TGFB2: variants seen among roughly 807,000 people sequenced by gnomAD.
TGFB2 encodes the protein transforming growth factor beta 2.
A neutral mutation model predicts 42.7 loss-of-function variants in TGFB2; 13 were observed. That is an observed-to-expected ratio of 0.30 (90% CI 0.20 to 0.48). The LOEUF (loss-of-function observed/expected upper bound fraction) is 0.48. Ranked by LOEUF, TGFB2 falls within the 20% of genes least tolerant of loss-of-function variation. The pLI, the probability that TGFB2 is intolerant of heterozygous loss-of-function variation, is 0.99. For missense variants in TGFB2, 390 were observed against 517.5 expected (o/e 0.75, Z 2.39); for synonymous variants, 193 against 193.6 (o/e 1.00, Z 0.03).
intron 1 of TGFB2, among the ~76,000 whole-genome samples, chr1:218,398,820 C>T (rs1237432567): frequency 6.6e-6 from 1 of 152,120 alleles, no homozygotes; most frequent in Non-Finnish European, 1.5e-5. Flanking sequence ...CTCTTGACCT[C>T]GCGATCTGCC....
chr1:218,420,130 G>C (rs182359294), intron 2 of TGFB2, among the ~76,000 whole-genome samples: 39 of 152,292 alleles, frequency 2.6e-4, no homozygotes, highest in Middle Eastern at 6.8e-3. Context: ...AAAATTAGAA[G>C]ATATGGCTCC....
chr1:218,346,658 A>T lies in TGFB2; in HGVS notation c.-44A>T. On this transcript the variant is annotated 5_prime_UTR_variant, in exon 1 of 7. Transcript: ENST00000366930. This position sits in a 1 kb window ranked among gnomAD's most constrained non-coding sequence, Gnocchi z 4.9. ...TGAGAATTGTTGATTTCTTTTTTTT[A>T]TTCTGACTTTTAAAAACAACTTTTT... The T allele has an allele frequency of 6.7e-7, 1 of 1,498,938 alleles. No individual in the cohort carries two copies. The highest frequency in any genetic ancestry group is 2.2e-5 in the Admixed American group (1 of 46,030). The allele number at this position is 1,498,938 out of a possible 1,614,324, so 92.9% of individuals were successfully genotyped here.
chr1:218,402,451 TG>T (rs1658753260), intron 1 of TGFB2, among the ~76,000 whole-genome samples: 1 of 152,072 alleles, frequency 6.6e-6, no homozygotes, highest in African/African-American at 2.4e-5. Context: ...TTGGATGATT[TG>T]CTTAGAAGAA....
intron 1 of TGFB2, among the ~76,000 whole-genome samples, chr1:218,366,205 T>C (rs867897651): frequency 5.9e-5 from 9 of 152,290 alleles, no homozygotes; most frequent in Middle Eastern, 3.4e-3. Context: ...AAGGAATGGA[T>C]TAATAGTCAT....
At chr1:218,370,671 G>C (rs1018688130) in intron 1 of TGFB2, among the ~76,000 whole-genome samples, 2 of 152,104 alleles carry the variant, frequency 1.3e-5, no homozygotes, top group Admixed American at 6.5e-5. Context: ...CAGGTTTCTC[G>C]CACGTTCATA....
At chr1:218,369,500 T>C (rs1193604121) in intron 1 of TGFB2, among the ~76,000 whole-genome samples, 1 of 152,278 alleles carries the variant, frequency 6.6e-6, no homozygotes, top group East Asian at 1.9e-4. Context: ...TGATGGTTTT[T>C]AGTTAATAGT....
chr1:218,381,397 A>G (rs1466718945), intron 1 of TGFB2, among the ~76,000 whole-genome samples: 1 of 151,796 alleles, frequency 6.6e-6, no homozygotes, highest in Non-Finnish European at 1.5e-5. Context: ...GTGGGACTAC[A>G]GGCAACCGCC....
At chr1:218,430,217 AC>A (rs1659762365) in intron 2 of TGFB2, among the ~76,000 whole-genome samples, 1 of 151,804 alleles carries the variant, frequency 6.6e-6, no homozygotes, top group African/African-American at 2.4e-5. Flanking sequence ...ACATGGCAAA[AC>A]CCCGTCTCTA....
chr1:218,391,954 A>G (rs1658327623), intron 1 of TGFB2, among the ~76,000 whole-genome samples: 1 of 152,244 alleles, frequency 6.6e-6, no homozygotes, highest in Admixed American at 6.5e-5. Flanking sequence ...GAACAACTAG[A>G]ACAAGTGAAT....
chr1:218,395,849 C>A (rs929982170), intron 1 of TGFB2, among the ~76,000 whole-genome samples: 1 of 152,072 alleles, frequency 6.6e-6, no homozygotes, highest in South Asian at 2.1e-4. Context: ...CTCCTGACCT[C>A]GTGATCCACC....
intron 2 of TGFB2, among the ~76,000 whole-genome samples, chr1:218,406,301 T>G (rs1322146021): frequency 6.6e-6 from 1 of 151,862 alleles, no homozygotes; most frequent in South Asian, 2.1e-4. Context: ...TGCGTCAAAA[T>G]GTAATGATGA....
At chr1:218,412,669 T>A (rs140286573) in intron 2 of TGFB2, among the ~76,000 whole-genome samples, 2 of 152,312 alleles carry the variant, frequency 1.3e-5, no homozygotes, top group South Asian at 4.1e-4. Flanking sequence ...AATGAAATAA[T>A]GTCTATGACG....
chr1:218,349,895 A>G (rs935492646), intron 1 of TGFB2, among the ~76,000 whole-genome samples: 2 of 152,216 alleles, frequency 1.3e-5, no homozygotes, highest in African/African-American at 2.4e-5. Context: ...TGGGATATAA[A>G]TAATACTGTG....
chr1:218,401,331 T>C (rs1046074527), intron 1 of TGFB2, among the ~76,000 whole-genome samples: 9 of 152,304 alleles, frequency 5.9e-5, no homozygotes, highest in Middle Eastern at 3.4e-3. Context: ...TCTCAGGTTT[T>C]TTTTCTCTCC....
chr1:218,412,858 A>G (rs1214745812), intron 2 of TGFB2, among the ~76,000 whole-genome samples: 1 of 152,204 alleles, frequency 6.6e-6, no homozygotes, highest in African/African-American at 2.4e-5. Context: ...AGCACTGAAT[A>G]AAGTCATACA....
In TGFB2 at chr1:218,359,003, T is replaced by G. The variant is rs565940802; in HGVS notation, c.346+11956T>G. Among the ~76,000 whole-genome samples the G allele has an allele frequency of 2.0e-3, 300 of 152,128 alleles. 1 individual carries two copies. The highest frequency in any genetic ancestry group is 3.5e-3 in the Non-Finnish European group (239 of 67,990). On this transcript the variant is annotated intron_variant, in intron 1 of 6. Coordinates refer to ENST00000366930, the MANE Select transcript of TGFB2 (RefSeq NM_003238.6). ...AAGGAACGGTCCCCCCAGAGGTCAG[T>G]CAGGGCTTTCTGTGGGGAAAATGTT...
rs752854006 is a variant in TGFB2, at chr1:218,404,643, T to C, written c.347-526T>C. ...CTCATCATAACTTGACTAGAGAATA[T>C]GTTAAGTCATATGTGTGTGAAAAAC... is the stretch of plus-strand genomic sequence containing the variant. On this transcript the variant is annotated intron_variant, in intron 1 of 6. Transcript: ENST00000366930. Among the ~76,000 whole-genome samples the C allele has an allele frequency of 3.7e-4, 57 of 152,290 alleles. 1 individual carries two copies. Among genetic ancestry groups the C allele is most frequent in the Non-Finnish European group, 7.5e-4 (51 of 68,026 alleles).
At chr1:218,373,481 A>T (rs950755759) in intron 1 of TGFB2, among the ~76,000 whole-genome samples, 4 of 151,718 alleles carry the variant, frequency 2.6e-5, no homozygotes, top group Non-Finnish European at 4.4e-5. Flanking sequence ...ATATGATTAT[A>T]TTACTAATCA....
At chr1:218,385,842 A>C (rs1658116613) in intron 1 of TGFB2, among the ~76,000 whole-genome samples, 1 of 152,208 alleles carries the variant, frequency 6.6e-6, no homozygotes, top group African/African-American at 2.4e-5. Flanking sequence ...ACAGGTTGTC[A>C]CAGTTGTTGC....
Sources: gnomAD v4.1 joint callset for allele counts (sites outside exome capture counted in the v4.1 genomes callset) on GRCh38, gnomAD v4.1.1 for gene constraint, Gnocchi (gnomAD v3.1) non-coding constraint, MANE v1.5 for transcripts, NCBI Gene and HGNC (gene_info 2026-07-23, HGNC 2026-07-21) for gene names.